CDH13: variants seen among roughly 807,000 people sequenced by gnomAD.
CDH13 encodes the protein cadherin 13.
A neutral mutation model predicts 63.8 loss-of-function variants in CDH13; 24 were observed. The ratio of observed to expected loss-of-function variants is 0.38; its 90% CI spans 0.27 to 0.53. CDH13 has a LOEUF of 0.53. Ranked by LOEUF, CDH13 falls within the 20% of genes least tolerant of loss-of-function variation. The pLI is 0.85. For synonymous variants in CDH13, 503 were observed against 355.3 expected (o/e 1.42, Z -4.67); for missense variants, 1,049 against 903.1 (o/e 1.16, Z -2.07).
chr16:83,039,670 G>A (rs1385000638), intron 3 of CDH13, among the ~76,000 whole-genome samples: 1 of 152,102 alleles, frequency 6.6e-6, no homozygotes, highest in South Asian at 2.1e-4. Context: ...CCAGTGCCTG[G>A]CGCAGAGTAT....
chr16:83,339,782 G>C (rs1282308036), intron 5 of CDH13, among the ~76,000 whole-genome samples: 1 of 152,150 alleles, frequency 6.6e-6, no homozygotes, highest in East Asian at 1.9e-4. Context: ...CCCATGATCA[G>C]CCAAGCTTTC....
chr16:83,095,789 C>G (rs1013702477), intron 3 of CDH13, among the ~76,000 whole-genome samples: 1 of 152,252 alleles, frequency 6.6e-6, no homozygotes, highest in East Asian at 1.9e-4. Flanking sequence ...CTCTATGATT[C>G]TCACTGTGGA....
At chr16:83,183,672 C>A (rs1051007376) in intron 4 of CDH13, among the ~76,000 whole-genome samples, 1 of 152,250 alleles carries the variant, frequency 6.6e-6, no homozygotes, top group Admixed American at 6.5e-5. Context: ...TCCAGTGTCC[C>A]TCCCTGATGG....
intron 4 of CDH13, among the ~76,000 whole-genome samples, chr16:83,131,350 C>T (rs1370239353): frequency 1.3e-5 from 2 of 152,170 alleles, no homozygotes; most frequent in Non-Finnish European, 2.9e-5. Context: ...AACACCCAGT[C>T]GTGAACATAC....
At chr16:83,474,750 G>T (rs913294589) in intron 6 of CDH13, among the ~76,000 whole-genome samples, 3 of 152,236 alleles carry the variant, frequency 2.0e-5, no homozygotes, top group Non-Finnish European at 4.4e-5. Context: ...AGCCAGCACA[G>T]ATCTCCCAGA....
At chr16:82,733,111 A>C (rs1597431671) in intron 1 of CDH13, among the ~76,000 whole-genome samples, 1 of 152,204 alleles carries the variant, frequency 6.6e-6, no homozygotes, top group Non-Finnish European at 1.5e-5. Flanking sequence ...TTCAAGCATG[A>C]GGCAGAGAAG....
chr16:83,253,219 T>G (rs1009179063), intron 5 of CDH13, among the ~76,000 whole-genome samples: 2 of 152,220 alleles, frequency 1.3e-5, no homozygotes, highest in African/African-American at 2.4e-5. Flanking sequence ...TTTTCTATTT[T>G]ATGATTCCGT....
intron 11 of CDH13, among the ~76,000 whole-genome samples, chr16:83,765,565 A>AAG (rs34269880): frequency 0.6 from 90,028 of 149,020 alleles, 27,677 homozygotes; most frequent in Admixed American, 0.69. Flanking sequence ...CACACACACA[A>AAG]AGAGAGAGAG....
chr16:83,564,096 G>T (rs2075751997), intron 7 of CDH13, among the ~76,000 whole-genome samples: 1 of 152,182 alleles, frequency 6.6e-6, no homozygotes, highest in African/African-American at 2.4e-5. Flanking sequence ...TTAGCACCTT[G>T]CCTGGTGTTT....
rs1904295927 is a variant in CDH13 at position 83,798,665 on chromosome 16, C to G, written c.*3635C>G. On this transcript the variant is annotated 3_prime_UTR_variant, in exon 14 of 14. Transcript: ENST00000567109. Reference sequence around the variant, plus strand: ...GCCACTCTCAACCCAGGAGCAAAACCAGACAAAGTGCCTACTGCAGACCGG... The same window carrying G: ...GCCACTCTCAACCCAGGAGCAAAACGAGACAAAGTGCCTACTGCAGACCGG... The G allele has an allele frequency of 6.6e-6, 1 of 152,196 alleles. No individual in the cohort carries two copies. The highest frequency in any genetic ancestry group is 2.4e-5 in the African/African-American group (1 of 41,444). 9.4% of individuals were successfully genotyped at this position (152,196 alleles called of 1,614,324 possible). A position where few individuals can be genotyped will look rare whatever the true frequency, so the allele number is the denominator to read the frequency against.
chr16:83,507,990 C>G (rs1038935690), intron 7 of CDH13, among the ~76,000 whole-genome samples: 1 of 149,218 alleles, frequency 6.7e-6, no homozygotes, highest in African/African-American at 2.5e-5. Flanking sequence ...CGAGATCGCG[C>G]CACTGCACTC....
At chr16:83,138,034 C>G (rs1217599321) in intron 4 of CDH13, among the ~76,000 whole-genome samples, 1 of 152,002 alleles carries the variant, frequency 6.6e-6, no homozygotes, top group Non-Finnish European at 1.5e-5. Flanking sequence ...TGGCCCACTT[C>G]TGCAACCAGT....
intron 7 of CDH13, among the ~76,000 whole-genome samples, chr16:83,576,055 A>G (rs1410089975): frequency 1.3e-5 from 2 of 152,264 alleles, no homozygotes; most frequent in Non-Finnish European, 2.9e-5. Flanking sequence ...GTTGAGTGGC[A>G]TTTAGTACTT....
chr16:83,758,542 C>G (rs1645845), intron 11 of CDH13, among the ~76,000 whole-genome samples: 46,794 of 151,930 alleles, frequency 0.31, 7,688 homozygotes, highest in Admixed American at 0.41. Flanking sequence ...TTTGTGACCT[C>G]AGTCCCAGCC....
chr16:83,038,910 G>A (rs148764925), intron 3 of CDH13, among the ~76,000 whole-genome samples: 3 of 152,296 alleles, frequency 2.0e-5, no homozygotes, highest in Non-Finnish European at 4.4e-5. Flanking sequence ...ATCAGTTAAC[G>A]AACTTGATGA....
chr16:82,966,297 C>T (rs142906915), intron 2 of CDH13, among the ~76,000 whole-genome samples: 1,770 of 151,930 alleles, frequency 0.012, 24 homozygotes, highest in African/African-American at 0.037. Flanking sequence ...TACAGGCGCC[C>T]GCCACCACGC....
At chr16:83,027,006 T>A (rs1030328065) in intron 2 of CDH13, among the ~76,000 whole-genome samples, 1 of 151,910 alleles carries the variant, frequency 6.6e-6, no homozygotes, top group Non-Finnish European at 1.5e-5. Context: ...TTGTACTCCC[T>A]GCTGCTGGGT....
chr16:82,742,145 G>A (rs923836971), intron 1 of CDH13, among the ~76,000 whole-genome samples: 1 of 152,148 alleles, frequency 6.6e-6, no homozygotes, highest in African/African-American at 2.4e-5. Flanking sequence ...TACCATGTAT[G>A]TTCCAACATA....
rs202119007 is a variant in CDH13, at chr16:83,377,765, T to C, written c.781+32759T>C. Among the ~76,000 whole-genome samples the C allele has an allele frequency of 2.6e-5, 4 of 152,228 alleles. No individual in the cohort carries two copies. In the East Asian group the frequency reaches 7.7e-4, roughly 29 times the overall value. ...ACCCATGTTTTGGGAGTCAATAGAA[T>C]AGATCAGAGCAAAGACAAAGGCAAG... On this transcript the variant is annotated intron_variant, in intron 6 of 13. Coordinates refer to ENST00000567109, the MANE Select transcript of CDH13 (RefSeq NM_001257.5).
Sources: gnomAD v4.1 joint callset for allele counts (sites outside exome capture counted in the v4.1 genomes callset) on GRCh38, gnomAD v4.1.1 for gene constraint, MANE v1.5 for transcripts, NCBI Gene and HGNC (gene_info 2026-07-23, HGNC 2026-07-21) for gene names.